The following MDGA2 variants were observed in gnomAD, a reference collection of about 807,000 sequenced individuals.
MDGA2 encodes the protein MAM domain containing glycosylphosphatidylinositol anchor 2, also known as MAM domain-containing glycosylphosphatidylinositol anchor protein 2.
In MDGA2, 40 loss-of-function variants were observed where a neutral mutation model predicts 117.8. The ratio of observed to expected loss-of-function variants is 0.34; its 90% CI spans 0.26 to 0.44. The LOEUF is 0.44. Ranked by LOEUF, MDGA2 falls within the 20% of genes least tolerant of loss-of-function variation. The pLI is 1.00. For missense variants in MDGA2, 1,123 were observed against 1,250.6 expected (o/e 0.90, Z 1.54); for synonymous variants, 452 against 439.0 (o/e 1.03, Z -0.37).
rs561030685 is a variant in MDGA2, at chr14:47,532,487, T to A, written c.280+142030A>T. Among the ~76,000 whole-genome samples, 4 of 152,336 alleles carry A rather than the reference T, an allele frequency of 2.6e-5. No individual in the cohort carries two copies. The East Asian group carries it at 7.7e-4, about 29-fold the overall frequency. ...TAACTGTCATCTTAATAGTTACCCATAGGGCCATACCTCTAGCCCTGCTCT... is the reference window on the plus strand; with the variant it reads ...TAACTGTCATCTTAATAGTTACCCAAAGGGCCATACCTCTAGCCCTGCTCT... On this transcript the variant is annotated intron_variant, in intron 1 of 16. Transcript: ENST00000399232.
intron 1 of MDGA2, among the ~76,000 whole-genome samples, chr14:47,629,717 A>G (rs1897218485): frequency 6.6e-6 from 1 of 152,224 alleles, no homozygotes; most frequent in East Asian, 1.9e-4. Context: ...TGCATATTTT[A>G]TAGTTAAGCA....
At chr14:46,952,720 G>A (rs1385135453) in intron 9 of MDGA2, among the ~76,000 whole-genome samples, 1 of 151,916 alleles carries the variant, frequency 6.6e-6, no homozygotes, top group Middle Eastern at 3.2e-3. Flanking sequence ...TAGTATTTCA[G>A]AATAAAGTAA....
chr14:47,500,253 T>C (rs190336858), intron 1 of MDGA2, among the ~76,000 whole-genome samples: 1 of 152,262 alleles, frequency 6.6e-6, no homozygotes, highest in Non-Finnish European at 1.5e-5. Context: ...GACTGAACAA[T>C]TGACCATTTA....
chr14:47,601,076 A>C (rs1036782255), intron 1 of MDGA2, among the ~76,000 whole-genome samples: 4 of 152,184 alleles, frequency 2.6e-5, no homozygotes, highest in Non-Finnish European at 4.4e-5. Flanking sequence ...TTTTATATGA[A>C]GTCAAACAGA....
chr14:47,039,494 C>T lies in MDGA2; in HGVS notation c.1526-4190G>A, dbSNP rs1259691191. 4.6e-5 allele frequency among the ~76,000 whole-genome samples: 7 copies of T among 152,120 alleles called. No homozygotes were observed. In the East Asian group the frequency reaches 1.3e-3, roughly 29 times the overall value. On this transcript the variant is annotated intron_variant, in intron 7 of 16. Transcript: ENST00000399232. ...TCATTTTATCTTCTTGTGACAGCAT[C>T]CTAAGTGGTCTCTCTGTCACTAGCC...
intron 7 of MDGA2, among the ~76,000 whole-genome samples, chr14:47,048,811 T>C (rs1889353345): frequency 6.6e-6 from 1 of 152,070 alleles, no homozygotes; most frequent in African/African-American, 2.4e-5. Flanking sequence ...TGTCTTCTTA[T>C]AGCTGCATGA....
chr14:47,440,268 G>A (rs1266581653), intron 1 of MDGA2, among the ~76,000 whole-genome samples: 10 of 152,082 alleles, frequency 6.6e-5, no homozygotes, highest in Admixed American at 3.9e-4. Flanking sequence ...TAATGAGGAC[G>A]TATAAATATC....
chr14:47,261,659 T>C (rs1887799967), intron 2 of MDGA2, among the ~76,000 whole-genome samples: 3 of 152,150 alleles, frequency 2.0e-5, no homozygotes, highest in South Asian at 4.1e-4. Flanking sequence ...GAAAGGTTTT[T>C]CCTCTTTACA....
intron 1 of MDGA2, among the ~76,000 whole-genome samples, chr14:47,672,051 G>T (rs568740234): frequency 6.6e-6 from 1 of 152,310 alleles, no homozygotes; most frequent in African/African-American, 2.4e-5. Flanking sequence ...AATTTAGAAA[G>T]TCTCAGAGGG....
chr14:47,573,200 C>T (rs1035687576), intron 1 of MDGA2, among the ~76,000 whole-genome samples: 1 of 152,060 alleles, frequency 6.6e-6, no homozygotes, highest in Non-Finnish European at 1.5e-5. Context: ...GATATAAGTT[C>T]CATCAAAATA....
chr14:46,874,226 A>C (rs771550994), intron 12 of MDGA2, 26 bp from the exon 13 acceptor site: 2 of 1,191,502 alleles, frequency 1.7e-6, no homozygotes, highest in African/African-American at 3.2e-5. Context: ...AATTAAATTA[A>C]TATTAATTAA....
intron 1 of MDGA2, among the ~76,000 whole-genome samples, chr14:47,421,072 C>T (rs1221964691): frequency 5.3e-5 from 8 of 152,030 alleles, no homozygotes; most frequent in African/African-American, 1.9e-4. Context: ...GAGTAAAACA[C>T]ACATATTATG....
chr14:47,400,982 C>T (rs925678368), intron 1 of MDGA2, among the ~76,000 whole-genome samples: 1 of 151,326 alleles, frequency 6.6e-6, no homozygotes, highest in East Asian at 2.0e-4. Flanking sequence ...TGGTCTTGAT[C>T]TCCTGACCTC....
At chr14:47,113,129 C>G (rs1381921106) in intron 5 of MDGA2, among the ~76,000 whole-genome samples, 3 of 151,908 alleles carry the variant, frequency 2.0e-5, no homozygotes, top group East Asian at 1.9e-4. Flanking sequence ...ATTGTAGATT[C>G]TGGATATCCA....
At chr14:46,955,636 T>C (rs1169587072) in intron 9 of MDGA2, among the ~76,000 whole-genome samples, 1 of 151,968 alleles carries the variant, frequency 6.6e-6, no homozygotes, top group Non-Finnish European at 1.5e-5. Context: ...CATAGAATTT[T>C]AAAAGAAGAA....
intron 9 of MDGA2, among the ~76,000 whole-genome samples, chr14:46,951,650 C>A (rs182607107): frequency 6.6e-6 from 1 of 151,828 alleles, no homozygotes; most frequent in South Asian, 2.1e-4. Flanking sequence ...AATACCAGGG[C>A]CTCTATCATA....
chr14:46,966,235 C>A (rs1186642521), intron 8 of MDGA2, among the ~76,000 whole-genome samples: 1 of 151,940 alleles, frequency 6.6e-6, no homozygotes, highest in African/African-American at 2.4e-5. Flanking sequence ...AGCAAGTCAC[C>A]CAGCTAAAAA....
chr14:47,471,976 C>A (rs1034395107), intron 1 of MDGA2, among the ~76,000 whole-genome samples: 5 of 151,908 alleles, frequency 3.3e-5, no homozygotes, highest in Admixed American at 6.6e-5. Context: ...GCTTTTCATT[C>A]AAGGCAATGT....
At chr14:47,459,270 G>A (rs551042385) in intron 1 of MDGA2, among the ~76,000 whole-genome samples, 71 of 152,216 alleles carry the variant, frequency 4.7e-4, no homozygotes, top group African/African-American at 1.6e-3. Flanking sequence ...GGTCCTGGAG[G>A]TTTGGGGTAT....
Sources: gnomAD v4.1 joint callset for allele counts (sites outside exome capture counted in the v4.1 genomes callset) on GRCh38, gnomAD v4.1.1 for gene constraint, MANE v1.5 for transcripts, NCBI Gene and HGNC (gene_info 2026-07-23, HGNC 2026-07-21) for gene names.